SMG1: variants seen among roughly 807,000 people sequenced by gnomAD.
SMG1 encodes the protein serine/threonine-protein kinase SMG1.
A neutral mutation model predicts 419.9 loss-of-function variants in SMG1; 22 were observed. The observed-to-expected ratio is 0.05, with a 90% confidence interval of 0.04 to 0.07. The LOEUF (loss-of-function observed/expected upper bound fraction) is 0.07, where lower values mean the gene tolerates loss of function less well. Ranked by LOEUF, SMG1 falls within the 10% of genes least tolerant of loss-of-function variation. The pLI, the probability that SMG1 is intolerant of heterozygous loss-of-function variation, is 1.00. For synonymous variants in SMG1, 1,538 were observed against 1,553.5 expected (o/e 0.99, Z 0.23); for missense variants, 3,185 against 4,342.0 (o/e 0.73, Z 7.49).
chr16:18,891,054 C>A (rs1423305828), intron 4 of SMG1, 133 bp from the exon 5 acceptor site: 5 of 636,096 alleles, frequency 7.9e-6, no homozygotes, highest in South Asian at 7.4e-5. Context: ...ATTCCCACTC[C>A]CCAATGAGCA....
chr16:18,918,702 C>G (rs1567465557), intron 1 of SMG1, among the ~76,000 whole-genome samples: 1 of 74,292 alleles, frequency 1.3e-5, no homozygotes, highest in East Asian at 2.4e-4. Flanking sequence ...GCACCCACCA[C>G]TGCATCCAGC....
At chr16:18,887,672 T>TAAAAA (rs368196825) in intron 6 of SMG1, among the ~76,000 whole-genome samples, 1,364 of 65,566 alleles carry the variant, frequency 0.021, 54 homozygotes, top group Non-Finnish European at 0.027. Flanking sequence ...ACTTTTTATT[T>TAAAAA]AAAAAAAAAA....
At chr16:18,910,038 T>C (rs2037730343) in intron 1 of SMG1, among the ~76,000 whole-genome samples, 1 of 151,996 alleles carries the variant, frequency 6.6e-6, no homozygotes, top group Non-Finnish European at 1.5e-5. Flanking sequence ...ATTAAGTTCC[T>C]TAAGAGACAG....
At chr16:18,832,582 G>GCGCGCA (rs375153210) in intron 51 of SMG1, among the ~76,000 whole-genome samples, 2 of 148,282 alleles carry the variant, frequency 1.3e-5, no homozygotes, top group African/African-American at 5.0e-5. Context: ...CTATACACTT[G>GCGCGCA]CACACACACA....
chr16:18,809,297 T>C lies in SMG1; in HGVS notation c.*272A>G, dbSNP rs1473277099. The stretch of plus-strand genomic sequence containing the variant: ...CCTCCCGACACGTCTGCTGCTGTTC[T>C]GTGGCAGAAAGACAATCTCCGTGTT... On this transcript the variant is annotated 3_prime_UTR_variant, in exon 63 of 63. Coordinates refer to ENST00000446231, the MANE Select transcript of SMG1 (RefSeq NM_015092.5). 2.2e-6 allele frequency: 1 copy of C among 448,782 alleles called. No homozygotes were observed. Among genetic ancestry groups the C allele is most frequent in the Non-Finnish European group, 4.2e-6 (1 of 236,342 alleles). 27.8% of individuals were successfully genotyped at this position (448,782 alleles called of 1,614,324 possible).
At chr16:18,849,092 A>ACCC in intron 36 of SMG1, 125 bp downstream of exon 36, 1 of 209,722 alleles carries the variant, frequency 4.8e-6, no homozygotes, top group Non-Finnish European at 8.8e-6. Flanking sequence ...AAAAAAAAAA[A>ACCC]AAAAAAAAAA....
At chr16:18,864,339 G>A (rs926222392) in intron 23 of SMG1, among the ~76,000 whole-genome samples, 195 bp from the exon 24 acceptor site, 1 of 151,758 alleles carries the variant, frequency 6.6e-6, no homozygotes, top group African/African-American at 2.4e-5. Context: ...GGGAATACAG[G>A]CGCTCGCCAC....
intron 1 of SMG1, among the ~76,000 whole-genome samples, chr16:18,906,420 T>G (rs1401050931): frequency 1.3e-5 from 2 of 150,350 alleles, no homozygotes; most frequent in African/African-American, 4.9e-5. Context: ...GAGGTGGAGG[T>G]TGCAGTGAGC....
At chr16:18,836,599 C>A in intron 46 of SMG1, 67 bp from the exon 47 acceptor site, 1 of 1,513,890 alleles carries the variant, frequency 6.6e-7, no homozygotes, top group Non-Finnish European at 9.0e-7. Context: ...CTTTCCTACC[C>A]TGGAATGTGC....
intron 6 of SMG1, among the ~76,000 whole-genome samples, chr16:18,889,025 T>G (rs2036764446): frequency 6.6e-6 from 1 of 150,888 alleles, no homozygotes; most frequent in Admixed American, 6.6e-5. Flanking sequence ...GGGGTTTCAC[T>G]ATGTTAGCCA....
intron 23 of SMG1, among the ~76,000 whole-genome samples, chr16:18,865,401 T>C (rs913560570): frequency 4.6e-5 from 7 of 152,306 alleles, no homozygotes; most frequent in Admixed American, 2.0e-4. Flanking sequence ...GCAGCCACCT[T>C]TTCTGTAGAG....
chr16:18,869,038 T>C, intron 20 of SMG1, 66 bp downstream of exon 20: 1 of 1,370,346 alleles, frequency 7.3e-7, no homozygotes, highest in Non-Finnish European at 1.0e-6. Context: ...TAACAAAGAT[T>C]TAAGAATCCA....
intron 1 of SMG1, among the ~76,000 whole-genome samples, chr16:18,921,369 G>GA (rs1315163894): frequency 6.6e-6 from 1 of 151,852 alleles, no homozygotes; most frequent in Non-Finnish European, 1.5e-5. Flanking sequence ...GAAAAGAAAA[G>GA]AAAAACATAA....
chr16:18,895,426 C>G (rs1208175275), intron 3 of SMG1, among the ~76,000 whole-genome samples: 21 of 151,620 alleles, frequency 1.4e-4, no homozygotes, highest in African/African-American at 4.9e-4. Flanking sequence ...TTGCAGTGAG[C>G]AGAGATTGCA....
In SMG1 at chr16:18,839,189, T is replaced by A. The variant is rs547136520; in HGVS notation, c.6946-500A>T. Among the ~76,000 whole-genome samples, 18 of 152,230 alleles carry A rather than the reference T, an allele frequency of 1.2e-4. No individual in the cohort carries two copies. In the East Asian group the frequency reaches 1.9e-3, roughly 16 times the overall value. On this transcript the variant is annotated intron_variant, in intron 42 of 62. Coordinates refer to ENST00000446231, the MANE Select transcript of SMG1 (RefSeq NM_015092.5). The stretch of plus-strand genomic sequence containing the variant: ...TAAATATTGATTTTATTTAAAAAAA[T>A]TTTTTTCCTTCTAACTTTTAGGTTT...
chr16:18,831,823 G>A (rs1274686315), intron 51 of SMG1, among the ~76,000 whole-genome samples: 1 of 146,136 alleles, frequency 6.8e-6, no homozygotes, highest in Non-Finnish European at 1.5e-5. Flanking sequence ...GAATATATAT[G>A]AATATATTTA....
At chr16:18,845,792 A>C in intron 38 of SMG1, 141 bp from the exon 39 acceptor site, 1 of 665,388 alleles carries the variant, frequency 1.5e-6, no homozygotes, top group Non-Finnish European at 2.5e-6. Flanking sequence ...CATATTCACA[A>C]AGTAAATTAC....
intron 30 of SMG1, among the ~76,000 whole-genome samples, chr16:18,854,082 CTT>C (rs11448105): frequency 9.5e-5 from 8 of 84,012 alleles, no homozygotes; most frequent in Admixed American, 3.3e-4. Context: ...AAATACTAAA[CTT>C]TTTTTTTTTT....
At chr16:18,875,378 G>A (rs2036066303) in intron 13 of SMG1, 1 of 152,506 alleles carries the variant, frequency 6.6e-6, no homozygotes, top group South Asian at 2.1e-4. Flanking sequence ...ATCACCTGAG[G>A]TCAGGAGTTC....
Sources: allele counts gnomAD v4.1 joint callset (sites outside exome capture counted in the v4.1 genomes callset), GRCh38; gene constraint gnomAD v4.1.1; transcripts MANE v1.5; gene names NCBI Gene and HGNC (gene_info 2026-07-23, HGNC 2026-07-21).